Variants in XKR4 observed in about 807,000 individuals in gnomAD.
XKR4 encodes XK related 4, also known as XK-related protein 4.
In XKR4, 12 loss-of-function variants were observed where a neutral mutation model predicts 53.9. The ratio of observed to expected loss-of-function variants is 0.22; its 90% CI spans 0.14 to 0.36. The LOEUF (loss-of-function observed/expected upper bound fraction) is 0.36. Ranked by LOEUF, XKR4 falls within the 10% of genes least tolerant of loss-of-function variation. XKR4 has a pLI of 1.00. For synonymous variants in XKR4, 354 were observed against 362.4 expected (o/e 0.98, Z 0.26); for missense variants, 799 against 859.5 (o/e 0.93, Z 0.88).
intron 1 of XKR4, among the ~76,000 whole-genome samples, chr8:55,226,835 G>A (rs1436432783): frequency 7.2e-5 from 11 of 152,090 alleles, no homozygotes; most frequent in Non-Finnish European, 1.3e-4. Flanking sequence ...CCTCAAACAC[G>A]AGTCTTATCC....
intron 2 of XKR4, among the ~76,000 whole-genome samples, chr8:55,502,389 CT>C (rs56332216): frequency 0.95 from 142,970 of 150,802 alleles, 68,152 homozygotes; most frequent in Non-Finnish European, 0.98. Context: ...CTGCTATTTT[CT>C]TTTTTTTTTT....
chr8:55,450,305 C>T, intron 2 of XKR4: 1 of 715,318 alleles, frequency 1.4e-6, no homozygotes, highest in African/African-American at 1.8e-5. Context: ...GGGCCCTCGG[C>T]CAGCATCTCC....
At chr8:55,251,271 A>G (rs549229059) in intron 1 of XKR4, among the ~76,000 whole-genome samples, 23 of 152,332 alleles carry the variant, frequency 1.5e-4, no homozygotes, top group African/African-American at 5.1e-4. Flanking sequence ...TGTTTTTACC[A>G]ATGTTATTAC....
chr8:55,450,213 C>T lies in XKR4; in HGVS notation c.1007-73068C>T, dbSNP rs1585579349. 6.2e-6 allele frequency: 4 copies of T among 647,408 alleles called. No homozygotes were observed. In the South Asian group the frequency reaches 6.5e-5, roughly 11 times the overall value. The allele number at this position is 647,408 out of a possible 1,614,324, so 40.1% of individuals were successfully genotyped here. On this transcript the variant is annotated intron_variant, in intron 2 of 2. Transcript: ENST00000327381. Reference sequence around the variant, plus strand: ...GGTAGCAGGGCCACACCACACAGCACCTGCTCTGGGGAGCGCCTCCGTCAA... The same window carrying T: ...GGTAGCAGGGCCACACCACACAGCATCTGCTCTGGGGAGCGCCTCCGTCAA...
chr8:55,107,218 T>C (rs1173558949), intron 1 of XKR4, among the ~76,000 whole-genome samples: 1 of 152,152 alleles, frequency 6.6e-6, no homozygotes, highest in Non-Finnish European at 1.5e-5. Flanking sequence ...TATCTGTATA[T>C]GTGAGACAAC....
chr8:55,203,922 C>T (rs11783005), intron 1 of XKR4, among the ~76,000 whole-genome samples: 32,536 of 152,154 alleles, frequency 0.21, 4,155 homozygotes, highest in Middle Eastern at 0.44. Context: ...CAGAAAGAAC[C>T]TCACCTTTCT....
chr8:55,130,465 G>A (rs920615948), intron 1 of XKR4, among the ~76,000 whole-genome samples: 2 of 152,220 alleles, frequency 1.3e-5, no homozygotes, highest in South Asian at 4.1e-4. Context: ...GGCATCAGAG[G>A]AGGAAGGAGG....
rs188683372 is a variant in XKR4 at position 55,102,141 on chromosome 8, C to T, written c.-348C>T. ...GAGCGCCGCGGCGGCCGCTGCTGCT[C>T]CTGCTGCTGGCGGCGGCGGCGGCTC... On this transcript the variant is annotated 5_prime_UTR_variant, in exon 1 of 3. Coordinates refer to ENST00000327381, the MANE Select transcript of XKR4 (RefSeq NM_052898.2). The surrounding 1 kb of genome is among the most constrained non-coding windows in gnomAD (Gnocchi z 5.1). Among the ~76,000 whole-genome samples, 3,090 of 150,636 alleles carry T rather than the reference C, an allele frequency of 0.021. 92 individuals are homozygous for T. The highest frequency in any genetic ancestry group is 0.07 in the African/African-American group (2,880 of 41,318).
chr8:55,467,804 C>G (rs552420616), intron 2 of XKR4, among the ~76,000 whole-genome samples: 1 of 152,174 alleles, frequency 6.6e-6, no homozygotes, highest in Non-Finnish European at 1.5e-5. Context: ...TTGCAAATGA[C>G]CAGTCCATTT....
chr8:55,493,893 G>A (rs1310011301), intron 2 of XKR4, among the ~76,000 whole-genome samples: 3 of 152,204 alleles, frequency 2.0e-5, no homozygotes, highest in Non-Finnish European at 4.4e-5. Context: ...CAAACACAAT[G>A]TAAGTTAGTA....
chr8:55,362,451 A>C (rs1803920324), intron 2 of XKR4, among the ~76,000 whole-genome samples: 2 of 152,132 alleles, frequency 1.3e-5, no homozygotes, highest in Non-Finnish European at 2.9e-5. Flanking sequence ...GTGACAATAA[A>C]ATCAAGCAGG....
At chr8:55,288,673 G>C (rs1818941286) in intron 1 of XKR4, among the ~76,000 whole-genome samples, 1 of 152,202 alleles carries the variant, frequency 6.6e-6, no homozygotes, top group East Asian at 1.9e-4. Flanking sequence ...GAGAAAATTA[G>C]AGATCGGCAT....
At chr8:55,481,985 T>C (rs1287202275) in intron 2 of XKR4, among the ~76,000 whole-genome samples, 2 of 152,222 alleles carry the variant, frequency 1.3e-5, no homozygotes, top group South Asian at 4.1e-4. Flanking sequence ...GAAGTCAGTG[T>C]GGCGATTCCT....
intron 1 of XKR4, among the ~76,000 whole-genome samples, chr8:55,238,417 G>A (rs1818164771): frequency 6.6e-6 from 1 of 152,162 alleles, no homozygotes; most frequent in Admixed American, 6.5e-5. Context: ...GGAAAAGGAA[G>A]GTTGGTCTTG....
chr8:55,235,541 A>G (rs1447682731), intron 1 of XKR4, among the ~76,000 whole-genome samples: 2 of 152,236 alleles, frequency 1.3e-5, no homozygotes, highest in African/African-American at 2.4e-5. Flanking sequence ...AAGTTAAAAG[A>G]TCACACTACA....
intron 2 of XKR4, among the ~76,000 whole-genome samples, chr8:55,433,074 CA>C (rs1293555937): frequency 6.6e-6 from 1 of 152,150 alleles, no homozygotes; most frequent in Non-Finnish European, 1.5e-5. Context: ...ACCTGAAATT[CA>C]AATTCACTTT....
intron 1 of XKR4, among the ~76,000 whole-genome samples, chr8:55,293,416 T>A (rs1339210810): frequency 1.3e-5 from 2 of 152,206 alleles, no homozygotes; most frequent in East Asian, 3.8e-4. Context: ...ATTATAAATG[T>A]TCAGTTGTAA....
At chr8:55,397,020 T>C (rs1373336041) in intron 2 of XKR4, among the ~76,000 whole-genome samples, 1 of 152,254 alleles carries the variant, frequency 6.6e-6, no homozygotes, top group African/African-American at 2.4e-5. Context: ...TTTAGGTTAA[T>C]TTTCAAAGCC....
At chr8:55,388,056 T>C (rs1804350657) in intron 2 of XKR4, among the ~76,000 whole-genome samples, 1 of 152,156 alleles carries the variant, frequency 6.6e-6, no homozygotes, top group Non-Finnish European at 1.5e-5. Flanking sequence ...AAAAAATAAT[T>C]TTCAGTAGTT....
Sources: allele counts gnomAD v4.1 joint callset (sites outside exome capture counted in the v4.1 genomes callset), GRCh38; gene constraint gnomAD v4.1.1; non-coding constraint Gnocchi (gnomAD v3.1); transcripts MANE v1.5; gene names NCBI Gene and HGNC (gene_info 2026-07-23, HGNC 2026-07-21).